UBE2F: variants seen among roughly 807,000 people sequenced by gnomAD.
UBE2F encodes ubiquitin conjugating enzyme E2 F (putative).
In UBE2F, 5 loss-of-function variants were observed where a neutral mutation model predicts 29.6. The observed-to-expected ratio is 0.17, with a 90% confidence interval of 0.09 to 0.36. UBE2F has a LOEUF of 0.36. Among genes scored for constraint, UBE2F ranks in the 10% least tolerant of loss-of-function variants. UBE2F has a pLI of 1.00. For synonymous variants in UBE2F, 66 were observed against 81.8 expected (o/e 0.81, Z 1.04); for missense variants, 141 against 228.5 (o/e 0.62, Z 2.47).
At chr2:237,993,723 T>C (rs1049823333) in intron 3 of UBE2F, among the ~76,000 whole-genome samples, 2 of 152,180 alleles carry the variant, frequency 1.3e-5, no homozygotes, top group African/African-American at 4.8e-5. Flanking sequence ...AAAAAAAGTT[T>C]AGCATAGTAT....
chr2:237,987,888 A>G, intron 2 of UBE2F, 75 bp from the exon 3 acceptor site: 2 of 790,080 alleles, frequency 2.5e-6, no homozygotes, highest in East Asian at 2.8e-5. Context: ...TTCTAGAGGA[A>G]ATTGCCAATT....
intron 6 of UBE2F, 150 bp downstream of exon 6, chr2:238,025,562 G>T (rs2064407928): frequency 4.3e-6 from 3 of 703,006 alleles, no homozygotes; most frequent in East Asian, 2.8e-5. Flanking sequence ...GCGGTTGCCT[G>T]CCTGCTCCCA....
At chr2:238,016,472 T>C in intron 4 of UBE2F, 94 bp from the exon 5 acceptor site, 1 of 1,062,842 alleles carries the variant, frequency 9.4e-7, no homozygotes, top group Non-Finnish European at 1.4e-6. Context: ...CCTGATTCTC[T>C]GTATTTGCCA....
chr2:237,971,610 C>T (rs1167821366), intron 1 of UBE2F, among the ~76,000 whole-genome samples: 3 of 152,322 alleles, frequency 2.0e-5, no homozygotes, highest in East Asian at 1.9e-4. Context: ...GCATGAGCCA[C>T]GGCACCTGGC....
At chr2:238,014,630 A>C (rs964546121) in intron 4 of UBE2F, among the ~76,000 whole-genome samples, 7 of 152,184 alleles carry the variant, frequency 4.6e-5, no homozygotes, top group African/African-American at 1.2e-4. Flanking sequence ...AATCATTCCT[A>C]AGGGAAAGGA....
At chr2:237,971,445 C>T (rs978415487) in intron 1 of UBE2F, among the ~76,000 whole-genome samples, 8 of 152,200 alleles carry the variant, frequency 5.3e-5, no homozygotes, top group Non-Finnish European at 1.0e-4. Context: ...GCCTCAGCCT[C>T]CCAAGTAGCT....
intron 4 of UBE2F, among the ~76,000 whole-genome samples, chr2:238,015,460 A>G (rs1048647903): frequency 3.3e-5 from 5 of 152,206 alleles, no homozygotes; most frequent in Admixed American, 3.3e-4. Flanking sequence ...CAGAGAATGT[A>G]AAATAAAAGA....
chr2:238,035,380 T>C (rs2064683836), intron 8 of UBE2F: 1 of 163,388 alleles, frequency 6.1e-6, no homozygotes. Flanking sequence ...CTGTGCAGTT[T>C]GCTCGGGTTC....
intron 6 of UBE2F, among the ~76,000 whole-genome samples, chr2:238,029,449 C>T (rs528690923): frequency 5.9e-5 from 9 of 152,058 alleles, no homozygotes; most frequent in Admixed American, 1.3e-4. Flanking sequence ...CAAAATTAGC[C>T]GGGCGTAGGT....
rs73999386 is a variant in UBE2F, at chr2:238,033,565, C to T, written c.444+1311C>T. On this transcript the variant is annotated intron_variant, in intron 8 of 9. Coordinates refer to ENST00000272930, the MANE Select transcript of UBE2F (RefSeq NM_080678.3). The stretch of plus-strand genomic sequence containing the variant: ...CTGCAGGACTCAGTTAAACTAGGGG[C>T]GGGTCTGCTCTTACTTGTCCTGTCA... Among the ~76,000 whole-genome samples, 667 of 152,258 alleles carry T rather than the reference C, an allele frequency of 4.4e-3. 5 individuals are homozygous for T. Among genetic ancestry groups the T allele is most frequent in the African/African-American group, 0.015 (625 of 41,532 alleles).
chr2:238,008,159 C>T (rs972950547), intron 4 of UBE2F, among the ~76,000 whole-genome samples: 68 of 151,926 alleles, frequency 4.5e-4, no homozygotes, highest in African/African-American at 1.4e-3. Flanking sequence ...TTTGTAGAGA[C>T]GGGGGTCTCA....
At chr2:238,025,480 A>G in intron 6 of UBE2F, 68 bp downstream of exon 6, 1 of 1,385,636 alleles carries the variant, frequency 7.2e-7, no homozygotes, top group Non-Finnish European at 1.0e-6. Context: ...GCTTTTAAAC[A>G]TGTTGTCTCC....
At chr2:238,030,745 C>T in intron 7 of UBE2F, 132 bp downstream of exon 7, 1 of 692,114 alleles carries the variant, frequency 1.4e-6, no homozygotes, top group Non-Finnish European at 2.6e-6. Flanking sequence ...CACCCTGCCT[C>T]CTCTTCTCCC....
intron 4 of UBE2F, among the ~76,000 whole-genome samples, chr2:237,995,945 A>G (rs78750015): frequency 1.9e-4 from 29 of 152,148 alleles, no homozygotes; most frequent in Non-Finnish European, 3.1e-4. Flanking sequence ...TGTTTTTTCT[A>G]TTAGCTGTAC....
chr2:237,967,826 C>T lies in UBE2F; in HGVS notation c.-17+694C>T, dbSNP rs1451290052. Among the ~76,000 whole-genome samples, 1 of 152,186 alleles carries T rather than the reference C, an allele frequency of 6.6e-6. No individual in the cohort carries two copies. Among genetic ancestry groups the T allele is most frequent in the Non-Finnish European group, 1.5e-5 (1 of 68,044 alleles). ...CAGAGTCTTGGTTCCAGACCTAGTT[C>T]TGCTGGTGTGTCATCTTGGGTGTGG... On this transcript the variant is annotated intron_variant, in intron 1 of 9. Coordinates refer to ENST00000272930, the MANE Select transcript of UBE2F (RefSeq NM_080678.3). This position sits in a 1 kb window ranked among gnomAD's most constrained non-coding sequence, Gnocchi z 6.3.
chr2:238,031,940 G>A (rs552826966), intron 7 of UBE2F, among the ~76,000 whole-genome samples: 2 of 152,256 alleles, frequency 1.3e-5, no homozygotes, highest in African/African-American at 2.4e-5. Flanking sequence ...ACTGGCCTGC[G>A]GGCCCTGTCG....
rs2063397565 is a variant in UBE2F, at chr2:237,982,350, A to G, written c.119-5613A>G. Among the ~76,000 whole-genome samples, 1 of 152,114 alleles carries G rather than the reference A, an allele frequency of 6.6e-6. No homozygotes were observed. Among genetic ancestry groups the G allele is most frequent in the African/African-American group, 2.4e-5 (1 of 41,416 alleles). On this transcript the variant is annotated intron_variant, in intron 2 of 9. Coordinates refer to ENST00000272930, the MANE Select transcript of UBE2F (RefSeq NM_080678.3). The surrounding 1 kb of genome is among the most constrained non-coding windows in gnomAD (Gnocchi z 4.1). ...CGCCCTACCACATCACAGTCTTAGC[A>G]CTGGTCAGTGGCCTCACTCTTCATT... is the stretch of plus-strand genomic sequence containing the variant.
At chr2:237,971,817 T>C (rs535407448) in intron 1 of UBE2F, among the ~76,000 whole-genome samples, 3 of 152,360 alleles carry the variant, frequency 2.0e-5, no homozygotes, top group East Asian at 1.9e-4. Flanking sequence ...GGTTCATTAA[T>C]TGTAACAAAT....
At chr2:238,020,303 T>C (rs1359267633) in intron 5 of UBE2F, among the ~76,000 whole-genome samples, 1 of 151,944 alleles carries the variant, frequency 6.6e-6, no homozygotes, top group East Asian at 1.9e-4. Context: ...CCTACAAACT[T>C]AGTGTAGAAA....
Sources: allele counts gnomAD v4.1 joint callset (sites outside exome capture counted in the v4.1 genomes callset), GRCh38; gene constraint gnomAD v4.1.1; non-coding constraint Gnocchi (gnomAD v3.1); transcripts MANE v1.5; gene names NCBI Gene and HGNC (gene_info 2026-07-23, HGNC 2026-07-21).